UBE3D: variants seen among roughly 807,000 people sequenced by gnomAD.
UBE3D encodes the protein E3 ubiquitin-protein ligase E3D.
Under a neutral mutation model 49.6 loss-of-function variants are expected in UBE3D, and 48 were observed. The ratio of observed to expected loss-of-function variants is 0.97; its 90% CI spans 0.77 to 1.23. The LOEUF (loss-of-function observed/expected upper bound fraction) is 1.23. Ranked by LOEUF, UBE3D falls within the 50% of genes most tolerant of loss-of-function variation. UBE3D has a pLI of 0.00. For synonymous variants in UBE3D, 189 were observed against 174.2 expected (o/e 1.08, Z -0.67); for missense variants, 452 against 468.4 (o/e 0.96, Z 0.32).
chr6:82,896,730 T>TC, intron 9 of UBE3D, among the ~76,000 whole-genome samples: 1 of 151,408 alleles, frequency 6.6e-6, no homozygotes, highest in East Asian at 1.9e-4. Flanking sequence ...GAACTTTTTA[T>TC]CCTCTGTTTT....
chr6:83,044,686 T>C, intron 3 of UBE3D, 27 bp from the exon 4 acceptor site: 1 of 1,546,638 alleles, frequency 6.5e-7, no homozygotes, highest in South Asian at 1.1e-5. Context: ...AAATCATTTT[T>C]CACAGAACAA....
chr6:82,888,078 T>G (rs571932493), downstream of UBE3D, among the ~76,000 whole-genome samples: 2 of 152,140 alleles, frequency 1.3e-5, no homozygotes, highest in Non-Finnish European at 2.9e-5. Context: ...CCACCTTTTT[T>G]TTTGTGGGCA....
At chr6:83,051,814 T>G (rs1640946676) in intron 3 of UBE3D, among the ~76,000 whole-genome samples, 2 of 152,228 alleles carry the variant, frequency 1.3e-5, no homozygotes, top group Admixed American at 1.3e-4. Flanking sequence ...AGACAGTCAC[T>G]CTGAGGATCC....
intron 9 of UBE3D, among the ~76,000 whole-genome samples, chr6:82,942,688 A>G (rs1775100043): frequency 1.3e-5 from 2 of 152,180 alleles, no homozygotes; most frequent in African/African-American, 4.8e-5. Context: ...TGGCCCTGTG[A>G]GTGCACAGTT....
chr6:83,063,551 CAAAT>C (rs1285832399), intron 1 of UBE3D, among the ~76,000 whole-genome samples: 3 of 149,728 alleles, frequency 2.0e-5, no homozygotes, highest in Non-Finnish European at 4.4e-5. Flanking sequence ...TTAAACAAGA[CAAAT>C]AATCTGATTA....
chr6:83,019,932 C>T (rs1209112692), intron 7 of UBE3D, among the ~76,000 whole-genome samples: 1 of 152,196 alleles, frequency 6.6e-6, no homozygotes, highest in Non-Finnish European at 1.5e-5. Context: ...CTGGGCAAGG[C>T]AACACCTGTC....
intron 9 of UBE3D, among the ~76,000 whole-genome samples, chr6:82,921,514 A>G (rs1467554437): frequency 2.6e-5 from 4 of 152,104 alleles, no homozygotes; most frequent in African/African-American, 9.7e-5. Flanking sequence ...TTCTTCCTCC[A>G]TACCACTCGC....
chr6:82,970,473 T>A (rs1777265355), intron 8 of UBE3D, among the ~76,000 whole-genome samples: 1 of 152,208 alleles, frequency 6.6e-6, no homozygotes, highest in African/African-American at 2.4e-5. Context: ...AAATTCATTT[T>A]TAAAAAGGTT....
chr6:83,000,013 T>C (rs1440123312), intron 8 of UBE3D, among the ~76,000 whole-genome samples: 1 of 152,192 alleles, frequency 6.6e-6, no homozygotes, highest in African/African-American at 2.4e-5. Context: ...TTTCCTCCCT[T>C]AGCCTCTAAA....
chr6:82,960,055 G>A (rs973774734), intron 8 of UBE3D, among the ~76,000 whole-genome samples: 32 of 152,068 alleles, frequency 2.1e-4, no homozygotes, highest in African/African-American at 7.7e-4. Context: ...CTGTATGCAG[G>A]AGCTCCTAGC....
chr6:83,034,328 A>G (rs1260274098), intron 5 of UBE3D, among the ~76,000 whole-genome samples: 1 of 152,190 alleles, frequency 6.6e-6, no homozygotes, highest in Non-Finnish European at 1.5e-5. Context: ...TATTATTACC[A>G]TAATACTACC....
intron 8 of UBE3D, among the ~76,000 whole-genome samples, chr6:82,985,342 G>C (rs1461847768): frequency 6.6e-6 from 1 of 151,456 alleles, no homozygotes; most frequent in African/African-American, 2.4e-5. Context: ...GTACTTATGT[G>C]GTTTTGTTTT....
chr6:82,957,680 T>C (rs996521765), intron 8 of UBE3D, among the ~76,000 whole-genome samples: 1 of 152,144 alleles, frequency 6.6e-6, no homozygotes, highest in Non-Finnish European at 1.5e-5. Context: ...TACTCTGAAG[T>C]ATACAGTCAC....
chr6:82,973,377 A>G (rs1777486439), intron 8 of UBE3D, among the ~76,000 whole-genome samples: 1 of 152,218 alleles, frequency 6.6e-6, no homozygotes, highest in Non-Finnish European at 1.5e-5. Flanking sequence ...AATATACTCC[A>G]GTTTTATTCA....
chr6:82,929,636 C>G (rs529772236), intron 9 of UBE3D, among the ~76,000 whole-genome samples: 1 of 152,070 alleles, frequency 6.6e-6, no homozygotes, highest in African/African-American at 2.4e-5. Flanking sequence ...TAATTCTAAG[C>G]TTTCCCCCTT....
intron 8 of UBE3D, among the ~76,000 whole-genome samples, chr6:82,969,212 A>C (rs1777163565): frequency 1.0e-5 from 1 of 97,332 alleles, no homozygotes. Context: ...TCTCTCTATT[A>C]CACAGGGCAG....
At chr6:82,896,563 T>C (rs910226397) in intron 9 of UBE3D, among the ~76,000 whole-genome samples, 1 of 152,144 alleles carries the variant, frequency 6.6e-6, no homozygotes, top group Admixed American at 6.5e-5. Context: ...AAAAACAATC[T>C]TCTTAAACCA....
chr6:82,937,903 C>T (rs943503601), intron 9 of UBE3D, among the ~76,000 whole-genome samples: 14 of 152,246 alleles, frequency 9.2e-5, no homozygotes, highest in Admixed American at 2.6e-4. Context: ...GCACCCTAAC[C>T]CCATCATTCC....
intron 9 of UBE3D, among the ~76,000 whole-genome samples, chr6:82,940,885 G>C (rs993270444): frequency 6.6e-6 from 1 of 152,154 alleles, no homozygotes; most frequent in Non-Finnish European, 1.5e-5. Context: ...TTGTGTGTGC[G>C]TGTATAAGCA....
Sources: gnomAD v4.1 joint callset for allele counts (sites outside exome capture counted in the v4.1 genomes callset) on GRCh38, gnomAD v4.1.1 for gene constraint, MANE v1.5 for transcripts, NCBI Gene and HGNC (gene_info 2026-07-23, HGNC 2026-07-21) for gene names.